TRPC7: variants seen among roughly 807,000 people sequenced by gnomAD.
TRPC7 encodes the protein transient receptor potential cation channel subfamily C member 7.
A neutral mutation model predicts 90.1 loss-of-function variants in TRPC7; 42 were observed. The ratio of observed to expected loss-of-function variants is 0.47; its 90% CI spans 0.36 to 0.60. TRPC7 has a LOEUF of 0.60. Among genes scored for constraint, TRPC7 ranks in the 20% least tolerant of loss-of-function variants. The pLI, the probability that TRPC7 is intolerant of heterozygous loss-of-function variation, is 0.00. For missense variants in TRPC7, 955 were observed against 1,112.3 expected, an observed-to-expected ratio of 0.86 and a Z score of 2.01; for synonymous variants, 451 against 436.3, an observed-to-expected ratio of 1.03 and a Z score of -0.42.
intron 2 of TRPC7, among the ~76,000 whole-genome samples, chr5:136,356,201 AAGCCACAT>A (rs1373591742): frequency 6.6e-6 from 1 of 152,240 alleles, no homozygotes; most frequent in African/African-American, 2.4e-5. Context: ...AGACAAATCA[AAGCCACAT>A]AGGTGAAATA....
Position 136,266,452 on chromosome 5 carries a change from G to T in TRPC7, c.1129-16C>A. 6.2e-7 allele frequency: 1 copy of T among 1,606,938 alleles called. No homozygotes were observed. ...TTCGTCCTAGCTGGAAAGAAAATGT[G>T]TTCAAGACATGTTAAACTGTCTCTA... On this transcript the variant is annotated splice_polypyrimidine_tract_variant and intron_variant, in intron 4 of 11. Coordinates refer to ENST00000513104, the MANE Select transcript of TRPC7 (RefSeq NM_020389.3).
chr5:136,345,727 G>C (rs1759986008), intron 2 of TRPC7, among the ~76,000 whole-genome samples: 3 of 152,062 alleles, frequency 2.0e-5, no homozygotes, highest in African/African-American at 7.2e-5. Flanking sequence ...GTCAATTTTG[G>C]CTTTTGTTGC....
chr5:136,300,290 C>T (rs1224152666), intron 3 of TRPC7, among the ~76,000 whole-genome samples: 1 of 152,204 alleles, frequency 6.6e-6, no homozygotes, highest in African/African-American at 2.4e-5. Context: ...TTGTCCTTTT[C>T]CACCCTCTAA....
chr5:136,261,260 G>C (rs1756849735), intron 5 of TRPC7, among the ~76,000 whole-genome samples: 1 of 152,180 alleles, frequency 6.6e-6, no homozygotes, highest in South Asian at 2.1e-4. Flanking sequence ...TCTATTTATA[G>C]CTGCTTCCCT....
At chr5:136,286,546 A>G (rs1290102096) in intron 3 of TRPC7, among the ~76,000 whole-genome samples, 1 of 152,220 alleles carries the variant, frequency 6.6e-6, no homozygotes, top group Non-Finnish European at 1.5e-5. Context: ...CCATGTGGGT[A>G]TAGCCTTCTG....
chr5:136,310,820 T>C (rs192016959), intron 3 of TRPC7, among the ~76,000 whole-genome samples: 105 of 152,154 alleles, frequency 6.9e-4, no homozygotes, highest in Middle Eastern at 3.4e-3. Flanking sequence ...TGGTAACTCT[T>C]TGAAGGTATG....
chr5:136,329,750 G>T (rs1376099875), intron 2 of TRPC7, among the ~76,000 whole-genome samples: 2 of 152,156 alleles, frequency 1.3e-5, no homozygotes, highest in African/African-American at 4.8e-5. Flanking sequence ...TATTTACCAA[G>T]AAAGGAATTC....
intron 5 of TRPC7, among the ~76,000 whole-genome samples, chr5:136,264,316 G>A (rs1471626439): frequency 6.6e-6 from 1 of 152,214 alleles, no homozygotes; most frequent in Admixed American, 6.5e-5. Flanking sequence ...TCTTCTACCT[G>A]GGGTCCAAGT....
intron 8 of TRPC7, among the ~76,000 whole-genome samples, chr5:136,229,261 G>A (rs1755739989): frequency 6.6e-6 from 1 of 152,174 alleles, no homozygotes; most frequent in African/African-American, 2.4e-5. Context: ...TCATGGCCAG[G>A]CTCACCTCTT....
intron 3 of TRPC7, among the ~76,000 whole-genome samples, chr5:136,289,281 A>C (rs566153598): frequency 6.6e-6 from 1 of 152,244 alleles, no homozygotes; most frequent in Non-Finnish European, 1.5e-5. Flanking sequence ...TACTGGGTTC[A>C]TCTCACTGGG....
At position 136,247,713 on chromosome 5, in the gene TRPC7, T is replaced by C. The variant is rs1443135364; in HGVS notation, c.1602A>G (p.Ser534=). ...FTYARDKWWP[S]DPQIISEGLY... is the part of the protein sequence containing the mutation. ...GCCCTTCCGATATGATCTGAGGGTC[T>C]GAAGGCCACCACTTGTCCCTGGCTA... Residue 534 remains serine (S), a synonymous_variant, in exon 7 of 12, where the codon TCA becomes TCG. Transcript: ENST00000513104. This position sits in a 1 kb window ranked among gnomAD's most constrained non-coding sequence, Gnocchi z 4.2. The C allele has an allele frequency of 6.2e-7, 1 of 1,613,244 alleles. No individual in the cohort carries two copies. Among genetic ancestry groups the C allele is most frequent in the African/African-American group, 1.3e-5 (1 of 74,912 alleles).
rs1580857057 is a variant in TRPC7 at position 136,245,638 on chromosome 5, C to G, written c.1844+1833G>C. Among the ~76,000 whole-genome samples, 4 of 152,268 alleles carry G rather than the reference C, an allele frequency of 2.6e-5. No individual in the cohort carries two copies. The South Asian group carries it at 8.3e-4, about 32-fold the overall frequency. ...AAGTGCTTAGCCCCATTGATCCTGG[C>G]TGCTGTGCTGGGATTCCACAAGGCT... On this transcript the variant is annotated intron_variant, in intron 7 of 11. Transcript: ENST00000513104.
intron 10 of TRPC7, among the ~76,000 whole-genome samples, chr5:136,223,568 G>C (rs1418543983): frequency 6.6e-6 from 1 of 151,788 alleles, no homozygotes; most frequent in Non-Finnish European, 1.5e-5. Context: ...AGCCGAGATC[G>C]CACGATTGCA....
intron 3 of TRPC7, among the ~76,000 whole-genome samples, chr5:136,306,883 A>T (rs1183162198): frequency 6.6e-6 from 1 of 152,146 alleles, no homozygotes; most frequent in Non-Finnish European, 1.5e-5. Context: ...CCTATCCCAA[A>T]ACCTATAAGA....
chr5:136,272,549 A>T (rs534172370), intron 4 of TRPC7, among the ~76,000 whole-genome samples: 5 of 152,332 alleles, frequency 3.3e-5, no homozygotes, highest in African/African-American at 1.2e-4. Context: ...GAGTCATCTC[A>T]TGCCACAGAC....
chr5:136,312,183 G>T (rs1758852144), intron 3 of TRPC7, among the ~76,000 whole-genome samples: 1 of 152,142 alleles, frequency 6.6e-6, no homozygotes, highest in Admixed American at 6.5e-5. Flanking sequence ...ACCCACTTGG[G>T]TTACTGGGGA....
At chr5:136,270,553 TAGAC>T (rs1757177317) in intron 4 of TRPC7, among the ~76,000 whole-genome samples, 1 of 152,186 alleles carries the variant, frequency 6.6e-6, no homozygotes, top group Non-Finnish European at 1.5e-5. Context: ...ATATCTCTTA[TAGAC>T]AGCCTGTTGT....
At chr5:136,362,749 GT>G (rs1404661475) in intron 1 of TRPC7, among the ~76,000 whole-genome samples, 1 of 151,866 alleles carries the variant, frequency 6.6e-6, no homozygotes, top group Non-Finnish European at 1.5e-5. Context: ...TTGTCTTTCT[GT>G]TTTTTTGTTT....
intron 3 of TRPC7, among the ~76,000 whole-genome samples, chr5:136,286,585 C>T (rs1443512739): frequency 1.3e-5 from 2 of 152,208 alleles, no homozygotes; most frequent in Non-Finnish European, 2.9e-5. Flanking sequence ...AAACCACCAA[C>T]TGAATGTAGC....
Sources: allele counts gnomAD v4.1 joint callset (sites outside exome capture counted in the v4.1 genomes callset), GRCh38; gene constraint gnomAD v4.1.1; non-coding constraint Gnocchi (gnomAD v3.1); transcripts MANE v1.5; gene names NCBI Gene and HGNC (gene_info 2026-07-23, HGNC 2026-07-21).